TRPM3: variants seen among roughly 807,000 people sequenced by gnomAD.
The protein encoded by TRPM3 is long transient receptor potential channel 3.
Under a neutral mutation model 181.2 loss-of-function variants are expected in TRPM3, and 77 were observed. That is an observed-to-expected ratio of 0.42 (90% CI 0.35 to 0.51). TRPM3 has a LOEUF of 0.51. TRPM3 is among the 20% of genes least tolerant of loss of function. TRPM3 has a pLI of 0.01. For missense variants in TRPM3, 1,759 were observed against 2,196.7 expected (o/e 0.80, Z 3.98); for synonymous variants, 745 against 796.4 (o/e 0.94, Z 1.09).
chr9:70,653,697 AAAAC>A (rs1564718131), intron 9 of TRPM3, among the ~76,000 whole-genome samples: 1 of 146,612 alleles, frequency 6.8e-6, no homozygotes. Context: ...AAAAAAAAAA[AAAAC>A]AAACCAAACA....
rs749024425 is a variant in TRPM3, at chr9:70,625,208, G to A, written c.1792C>T (p.Leu598Phe). ...RKRFRTLYHN[L>F]FGPKRPKALK... The stretch of plus-strand genomic sequence containing the variant: ...AGCCTCACCCTCTTGGGGCCGAAGA[G>A]GTTGTGGTAGAGGGTCCGGAAGCGC... The change falls in exon 14 of 26, where the codon CTC (leucine) becomes TTC (phenylalanine). Residue 598 changes from leucine to phenylalanine, a missense_variant. This residue lies in a region of TRPM3 where 737 missense variants were observed against 957.4 expected (regional missense o/e 0.77). Coordinates refer to ENST00000677713, the MANE Select transcript of TRPM3 (RefSeq NM_001366145.2). The surrounding 1 kb of genome is among the most constrained non-coding windows in gnomAD (Gnocchi z 4.8). The A allele has an allele frequency of 5.0e-6, 8 of 1,613,996 alleles. No homozygotes were observed. The highest frequency in any genetic ancestry group is 2.5e-6 in the Non-Finnish European group (3 of 1,180,034).
At chr9:71,306,747 G>T (rs2132366696) in intron 1 of TRPM3, among the ~76,000 whole-genome samples, 1 of 152,240 alleles carries the variant, frequency 6.6e-6, no homozygotes, top group East Asian at 1.9e-4. Context: ...GGTAATGCGT[G>T]CCTGTAGTCC....
At chr9:71,073,356 G>A (rs1264112013) in intron 1 of TRPM3, among the ~76,000 whole-genome samples, 1 of 152,134 alleles carries the variant, frequency 6.6e-6, no homozygotes, top group Non-Finnish European at 1.5e-5. Flanking sequence ...AAGGAAAGTA[G>A]GACATGTGAC....
At chr9:70,955,177 G>C (rs895404359) in intron 1 of TRPM3, among the ~76,000 whole-genome samples, 7 of 151,814 alleles carry the variant, frequency 4.6e-5, no homozygotes, top group Non-Finnish European at 7.4e-5. Flanking sequence ...GGTTCTTTGA[G>C]AGACGAAAAA....
At chr9:71,420,536 A>T (rs112557873) in intron 1 of TRPM3, among the ~76,000 whole-genome samples, 28,359 of 149,542 alleles carry the variant, frequency 0.19, 2,596 homozygotes, top group Non-Finnish European at 0.25. Flanking sequence ...AGAGAAAGAA[A>T]GAAAGAAAAA....
chr9:71,351,340 A>C (rs2091610164), intron 1 of TRPM3, among the ~76,000 whole-genome samples: 1 of 152,216 alleles, frequency 6.6e-6, no homozygotes, highest in Non-Finnish European at 1.5e-5. Context: ...TCACGTGAAC[A>C]AATTTAGCGA....
chr9:71,350,943 C>A (rs570506061), intron 1 of TRPM3, among the ~76,000 whole-genome samples: 1 of 152,262 alleles, frequency 6.6e-6, no homozygotes, highest in South Asian at 2.1e-4. Flanking sequence ...TTGATATCTA[C>A]CTCCATGCTC....
At chr9:71,426,826 A>C (rs1366069256) in intron 1 of TRPM3, among the ~76,000 whole-genome samples, 1 of 152,148 alleles carries the variant, frequency 6.6e-6, no homozygotes. Flanking sequence ...TAAGACCAAA[A>C]AAAAAAAATT....
chr9:71,048,021 T>C (rs189876045), intron 1 of TRPM3, among the ~76,000 whole-genome samples: 275 of 152,332 alleles, frequency 1.8e-3, no homozygotes, highest in Non-Finnish European at 3.1e-3. Context: ...GATTTTATTT[T>C]CTACTCTGGT....
chr9:70,672,217 C>G (rs2063103744), intron 9 of TRPM3, among the ~76,000 whole-genome samples: 1 of 152,102 alleles, frequency 6.6e-6, no homozygotes, highest in Non-Finnish European at 1.5e-5. Context: ...CTCTCAATTC[C>G]CCTGCCACAG....
intron 6 of TRPM3, among the ~76,000 whole-genome samples, chr9:70,787,763 C>CTTTTTTTTTTTTTTTTTTTTTTTTTTTT: frequency 1.6e-3 from 107 of 68,554 alleles, no homozygotes; most frequent in Middle Eastern, 0.012. Context: ...TTTTTGGATT[C>CTTTTTTTTTTTTTTTTTTTTTTTTTTTT]TTTTTTTTTT....
chr9:70,933,903 GA>G (rs1296275367), intron 1 of TRPM3, among the ~76,000 whole-genome samples: 3 of 152,044 alleles, frequency 2.0e-5, no homozygotes, highest in Non-Finnish European at 4.4e-5. Context: ...AGGAGGAAGG[GA>G]GCTCCCTATG....
chr9:71,046,012 C>G (rs1299069392), intron 1 of TRPM3, among the ~76,000 whole-genome samples: 1 of 149,114 alleles, frequency 6.7e-6, no homozygotes, highest in Non-Finnish European at 1.5e-5. Context: ...TGAGATGGAG[C>G]CTCACTCTGT....
intron 9 of TRPM3, among the ~76,000 whole-genome samples, chr9:70,672,911 A>G (rs552857520): frequency 6.6e-6 from 1 of 152,094 alleles, no homozygotes; most frequent in Non-Finnish European, 1.5e-5. Flanking sequence ...GAATTTTAGG[A>G]AGTAGACATC....
chr9:70,599,308 T>C (rs2059497062), intron 20 of TRPM3, among the ~76,000 whole-genome samples: 1 of 152,164 alleles, frequency 6.6e-6, no homozygotes, highest in Non-Finnish European at 1.5e-5. Flanking sequence ...TACCAGGTTA[T>C]ATGCATAGGT....
intron 1 of TRPM3, among the ~76,000 whole-genome samples, chr9:71,276,208 T>C (rs1002414517): frequency 2.6e-5 from 4 of 152,112 alleles, no homozygotes; most frequent in African/African-American, 9.7e-5. Flanking sequence ...AAAAATCCCT[T>C]CGTCAACCGT....
At chr9:71,234,812 C>T (rs2081267348) in intron 1 of TRPM3, among the ~76,000 whole-genome samples, 2 of 152,130 alleles carry the variant, frequency 1.3e-5, no homozygotes, top group Admixed American at 6.5e-5. Context: ...GTCATAATAT[C>T]CTGTTATCCA....
intron 1 of TRPM3, among the ~76,000 whole-genome samples, chr9:71,289,944 A>G (rs2132260208): frequency 6.6e-6 from 1 of 151,622 alleles, no homozygotes; most frequent in South Asian, 2.1e-4. Context: ...TCCCAACACA[A>G]AGAAAAGATA....
intron 1 of TRPM3, among the ~76,000 whole-genome samples, chr9:71,245,885 A>G (rs148373912): frequency 1.5e-4 from 23 of 152,332 alleles, no homozygotes; most frequent in African/African-American, 5.5e-4. Flanking sequence ...AAGTGCCCCA[A>G]AGAGGGGAGG....
Sources: allele counts gnomAD v4.1 joint callset (sites outside exome capture counted in the v4.1 genomes callset), GRCh38; gene constraint gnomAD v4.1.1; regional missense constraint gnomAD v4.1.1; non-coding constraint Gnocchi (gnomAD v3.1); transcripts MANE v1.5; gene names NCBI Gene and HGNC (gene_info 2026-07-23, HGNC 2026-07-21).